The following KLHL14 variants were observed in gnomAD, a reference collection of about 807,000 sequenced individuals.
KLHL14 encodes the protein kelch-like protein 14.
A neutral mutation model predicts 64.3 loss-of-function variants in KLHL14; 22 were observed. That is an observed-to-expected ratio of 0.34 (90% CI 0.24 to 0.49). KLHL14 has a LOEUF of 0.49. Among genes scored for constraint, KLHL14 ranks in the 20% least tolerant of loss-of-function variants. The probability of loss-of-function intolerance (pLI) is 0.99; values close to 1 mark genes in which losing one functional copy is unlikely to be tolerated. For synonymous variants in KLHL14, 322 were observed against 333.4 expected (o/e 0.97, Z 0.37); for missense variants, 661 against 789.0 (o/e 0.84, Z 1.94).
chr18:32,682,798 C>T (rs1293437288), intron 5 of KLHL14, among the ~76,000 whole-genome samples: 2 of 152,178 alleles, frequency 1.3e-5, no homozygotes, highest in Non-Finnish European at 2.9e-5. Flanking sequence ...TGACACATAT[C>T]TACAAAAATC....
At chr18:32,686,177 A>ATTTTTTTTTTTT (rs148393455) in intron 5 of KLHL14, among the ~76,000 whole-genome samples, 393 of 107,632 alleles carry the variant, frequency 3.7e-3, no homozygotes, top group Non-Finnish European at 4.2e-3. Context: ...GTGCCCGGCT[A>ATTTTTTTTTTTT]TTTTTTTTTT....
chr18:32,764,737 T>C (rs2050331589), intron 2 of KLHL14, among the ~76,000 whole-genome samples: 1 of 152,182 alleles, frequency 6.6e-6, no homozygotes, highest in Admixed American at 6.5e-5. Context: ...CATTCATTTA[T>C]GTACTGTCAG....
chr18:32,674,863 A>G, intron 8 of KLHL14, 66 bp from the exon 9 acceptor site: 1 of 710,340 alleles, frequency 1.4e-6, no homozygotes, highest in East Asian at 2.5e-5. Context: ...AATGTTACTG[A>G]TCATATTTAT....
At chr18:32,711,403 CTG>C (rs1399987172) in intron 3 of KLHL14, among the ~76,000 whole-genome samples, 2 of 152,122 alleles carry the variant, frequency 1.3e-5, no homozygotes, top group African/African-American at 4.8e-5. Flanking sequence ...ATAAACAAGA[CTG>C]TTTACAATAC....
At chr18:32,705,075 A>T (rs1294629638) in intron 3 of KLHL14, among the ~76,000 whole-genome samples, 1 of 152,196 alleles carries the variant, frequency 6.6e-6, no homozygotes, top group Non-Finnish European at 1.5e-5. Context: ...TTCCACAAAC[A>T]TTTACTGAGC....
chr18:32,768,624 C>G (rs1262836503), intron 2 of KLHL14, among the ~76,000 whole-genome samples: 2 of 152,122 alleles, frequency 1.3e-5, no homozygotes, highest in Non-Finnish European at 2.9e-5. Context: ...TACTGTTTCT[C>G]TTTTCTAAAA....
chr18:32,769,674 C>T lies in KLHL14; in HGVS notation c.918G>A (p.Arg306=), dbSNP rs757613305. 7 of 1,525,430 alleles carry T rather than the reference C, an allele frequency of 4.6e-6. No homozygotes were observed. The highest frequency in any genetic ancestry group is 1.9e-5 in the Admixed American group (1 of 53,652). 94.5% of individuals were successfully genotyped at this position (1,525,430 alleles called of 1,614,324 possible). Residue 306 remains arginine (R), a synonymous_variant, in exon 2 of 9, where the codon AGG becomes AGA. Transcript: ENST00000359358. ...TGGCCAGGCTCTGCCTGCAGTGCTG[C>T]CTGAAGGGCATCAGGTGGTAGTTCA... The part of the protein sequence containing the change: ...DAMNYHLMPF[R]QHCRQSLASR...
chr18:32,705,282 A>G (rs1176502090), intron 3 of KLHL14, among the ~76,000 whole-genome samples: 1 of 152,272 alleles, frequency 6.6e-6, no homozygotes, highest in African/African-American at 2.4e-5. Flanking sequence ...AGAATGTTGA[A>G]TGTTCCCAAC....
chr18:32,734,060 A>C (rs2050150529), intron 3 of KLHL14: 6 of 656,886 alleles, frequency 9.1e-6, no homozygotes, highest in South Asian at 1.7e-5. Flanking sequence ...ATTTTGGGTA[A>C]TCTCCCCTTG....
intron 3 of KLHL14, among the ~76,000 whole-genome samples, chr18:32,729,270 T>C (rs2050123650): frequency 6.6e-6 from 1 of 152,268 alleles, no homozygotes; most frequent in Middle Eastern, 3.4e-3. Context: ...TCTGTGGGAA[T>C]GTGAACTCTC....
rs898466989 is a variant in KLHL14, at chr18:32,770,490, G to A, written c.102C>T (p.Asp34=). The A allele has an allele frequency of 1.2e-6, 2 of 1,612,110 alleles. No individual in the cohort carries two copies. The highest frequency in any genetic ancestry group is 2.2e-5 in the East Asian group (1 of 44,810). ...GCTGGCCCTGGGCCGTCAGGGTCAC[G>A]TCGCAAAACAGCTGCTTCCTCCACA... ...NLLWRKQLFC[D]VTLTAQGQQF... Residue 34 remains aspartate (D), a synonymous_variant, in exon 2 of 9, where the codon GAC becomes GAT. Coordinates refer to ENST00000359358, the MANE Select transcript of KLHL14 (RefSeq NM_020805.3). The surrounding 1 kb of genome is among the most constrained non-coding windows in gnomAD (Gnocchi z 6.7).
At chr18:32,758,306 T>C (rs2050293730) in intron 2 of KLHL14, among the ~76,000 whole-genome samples, 1 of 152,130 alleles carries the variant, frequency 6.6e-6, no homozygotes, top group Admixed American at 6.6e-5. Flanking sequence ...AAAATAGATA[T>C]GCAAGTGGCC....
chr18:32,714,679 G>A (rs1219058403), intron 3 of KLHL14, among the ~76,000 whole-genome samples: 1 of 152,110 alleles, frequency 6.6e-6, no homozygotes, highest in African/African-American at 2.4e-5. Flanking sequence ...AACACCCGTT[G>A]CTGCTTCCTG....
chr18:32,714,741 G>A (rs929689597), intron 3 of KLHL14, among the ~76,000 whole-genome samples: 7 of 152,134 alleles, frequency 4.6e-5, no homozygotes, highest in Admixed American at 3.3e-4. Flanking sequence ...GCCACTAGAT[G>A]GTGTACACTG....
chr18:32,772,378 T>C lies in KLHL14; in HGVS notation c.-44+289A>G, dbSNP rs2050394786. 6 of 194,624 alleles carry C rather than the reference T, an allele frequency of 3.1e-5. No individual in the cohort carries two copies. The South Asian group carries it at 4.2e-4, about 14-fold the overall frequency. 12.1% of individuals were successfully genotyped at this position (194,624 alleles called of 1,614,324 possible). A position where few individuals can be genotyped will look rare whatever the true frequency, so the allele number is the denominator to read the frequency against. On this transcript the variant is annotated intron_variant, in intron 1 of 8. Coordinates refer to ENST00000359358, the MANE Select transcript of KLHL14 (RefSeq NM_020805.3). ...GGCTTGCCTGAAACATCTTACAGAG[T>C]CTCTCTCCCTTTAAGAGGACCCGGT...
intron 3 of KLHL14, among the ~76,000 whole-genome samples, chr18:32,705,357 T>C (rs1439684884): frequency 6.6e-6 from 1 of 152,222 alleles, no homozygotes; most frequent in Non-Finnish European, 1.5e-5. Context: ...TTACTATACA[T>C]TATATGTAGC....
chr18:32,727,270 G>C (rs2050112809), intron 3 of KLHL14, among the ~76,000 whole-genome samples: 1 of 152,216 alleles, frequency 6.6e-6, no homozygotes, highest in African/African-American at 2.4e-5. Flanking sequence ...CCTAGCAAAA[G>C]TACTCAGTAG....
intron 2 of KLHL14, among the ~76,000 whole-genome samples, chr18:32,750,816 G>A (rs1476240436): frequency 6.6e-6 from 1 of 152,118 alleles, no homozygotes; most frequent in Non-Finnish European, 1.5e-5. Flanking sequence ...TTGTAAAGTG[G>A]TAGCCCTGCT....
At chr18:32,735,734 AC>A (rs2050162832) in intron 3 of KLHL14, among the ~76,000 whole-genome samples, 1 of 152,140 alleles carries the variant, frequency 6.6e-6, no homozygotes, top group African/African-American at 2.4e-5. Context: ...ATATATTGCT[AC>A]CTGGGATTAT....
Sources: allele counts gnomAD v4.1 joint callset (sites outside exome capture counted in the v4.1 genomes callset), GRCh38; gene constraint gnomAD v4.1.1; non-coding constraint Gnocchi (gnomAD v3.1); transcripts MANE v1.5; gene names NCBI Gene and HGNC (gene_info 2026-07-23, HGNC 2026-07-21).